Variants in SOX5 observed in about 807,000 individuals in gnomAD.
SOX5 encodes SRY-box transcription factor 5, also known as transcription factor SOX-5.
Under a neutral mutation model 92.0 loss-of-function variants are expected in SOX5, and 9 were observed. The observed-to-expected ratio is 0.10, with a 90% CI of 0.06 to 0.17. The LOEUF is 0.17. Among genes scored for constraint, SOX5 ranks in the 10% least tolerant of loss-of-function variants. The pLI is 1.00. For synonymous variants in SOX5, 344 were observed against 336.3 expected (o/e 1.02, Z -0.25); for missense variants, 642 against 944.5 (o/e 0.68, Z 4.20).
chr12:23,653,060 A>C (rs1313742065), intron 7 of SOX5, among the ~76,000 whole-genome samples: 2 of 151,694 alleles, frequency 1.3e-5, no homozygotes, highest in African/African-American at 2.4e-5. Context: ...GGATGGATGG[A>C]TGGATGGATG....
intron 3 of SOX5, among the ~76,000 whole-genome samples, chr12:23,766,589 T>G (rs2094734014): frequency 6.6e-6 from 1 of 152,170 alleles, no homozygotes; most frequent in South Asian, 2.1e-4. Context: ...ATATCCAAAA[T>G]TTTGAATTAA....
At chr12:24,383,964 T>C (rs1325586828) in intron 1 of SOX5, among the ~76,000 whole-genome samples, 1 of 152,194 alleles carries the variant, frequency 6.6e-6, no homozygotes, top group Non-Finnish European at 1.5e-5. Context: ...GCTGCTCTCA[T>C]GATAGTGAGT....
intron 4 of SOX5, among the ~76,000 whole-genome samples, chr12:23,985,277 C>A (rs866150966): frequency 6.9e-6 from 1 of 145,790 alleles, no homozygotes; most frequent in African/African-American, 2.5e-5. Context: ...CAGGGTCCCA[C>A]TCCATCACCC....
chr12:23,888,314 C>T lies in SOX5; in HGVS notation c.270+7479G>A, dbSNP rs188547668. On this transcript the variant is annotated intron_variant, in intron 2 of 14. Coordinates refer to ENST00000451604, the MANE Select transcript of SOX5 (RefSeq NM_006940.6). ...CCCCATTACCACGGCATTGGAAGCT[C>T]TTGCCTGTGCCCCTAACCCCTATCA... 3.4e-3 allele frequency among the ~76,000 whole-genome samples: 519 copies of T among 152,256 alleles called. 6 individuals are homozygous for T. The highest frequency in any genetic ancestry group is 0.012 in the African/African-American group (495 of 41,544).
At chr12:23,619,358 A>C (rs566598733) in intron 8 of SOX5, among the ~76,000 whole-genome samples, 63 of 152,270 alleles carry the variant, frequency 4.1e-4, no homozygotes, top group African/African-American at 1.4e-3. Flanking sequence ...GAACCTTCTC[A>C]ACAACCTTAG....
chr12:23,991,321 T>TAA (rs918055061), intron 4 of SOX5, among the ~76,000 whole-genome samples: 2 of 149,036 alleles, frequency 1.3e-5, no homozygotes, highest in African/African-American at 4.9e-5. Flanking sequence ...GTCTCTTTCT[T>TAA]AAAAAAAAAA....
intron 4 of SOX5, among the ~76,000 whole-genome samples, chr12:24,036,560 TG>T (rs576116377): frequency 1.6e-4 from 25 of 152,256 alleles, no homozygotes; most frequent in African/African-American, 5.3e-4. Context: ...TAATAAGCTG[TG>T]TACGAATTCA....
intron 3 of SOX5, among the ~76,000 whole-genome samples, chr12:23,799,088 G>C (rs1355985334): frequency 5.3e-5 from 8 of 151,814 alleles, no homozygotes; most frequent in Admixed American, 5.3e-4. Flanking sequence ...CTTTTTGGGG[G>C]TTCCACTCTC....
At chr12:23,939,293 G>C (rs1943178134) in intron 1 of SOX5, among the ~76,000 whole-genome samples, 2 of 150,936 alleles carry the variant, frequency 1.3e-5, no homozygotes. Context: ...TTTTCTTTCT[G>C]CTTTAACAGT....
In SOX5 at chr12:23,530,823, G is replaced by GCGCGCGCGCGCC. The variant is rs1203645772; in HGVS notation, c.*3395_*3396insGGCGCGCGCGCG. The GCGCGCGCGCGCC allele has an allele frequency of 2.2e-5, 3 of 139,254 alleles. No individual in the cohort carries two copies. Among genetic ancestry groups the GCGCGCGCGCGCC allele is most frequent in the African/African-American group, 8.0e-5 (3 of 37,338 alleles). 8.6% of individuals were successfully genotyped at this position (139,254 alleles called of 1,614,324 possible). On this transcript the variant is annotated 3_prime_UTR_variant, in exon 15 of 15. Transcript: ENST00000451604. ...AGTGTGTGTGTGTGTGTGTGTGCGCGCGCGCGCGCGCGCATGTGAGAGAGA... is the reference window on the plus strand; with the variant it reads ...AGTGTGTGTGTGTGTGTGTGTGCGCGCGCGCGCGCGCCCGCGCGCGCGCGCATGTGAGAGAGA...
intron 2 of SOX5, among the ~76,000 whole-genome samples, chr12:23,859,811 A>G (rs1016420069): frequency 2.0e-5 from 3 of 152,162 alleles, no homozygotes; most frequent in Non-Finnish European, 4.4e-5. Flanking sequence ...ACCGGCCGAC[A>G]CTTAGGGAAA....
chr12:24,260,320 C>T (rs1314635789), intron 3 of SOX5, among the ~76,000 whole-genome samples: 1 of 152,140 alleles, frequency 6.6e-6, no homozygotes, highest in Non-Finnish European at 1.5e-5. Flanking sequence ...TTTCCACTAC[C>T]TACAAAGGGA....
At chr12:23,806,774 A>G (rs576011543) in intron 3 of SOX5, among the ~76,000 whole-genome samples, 1 of 152,210 alleles carries the variant, frequency 6.6e-6, no homozygotes, top group Admixed American at 6.5e-5. Context: ...ACAAGGTACA[A>G]TGAAACATCT....
At chr12:23,639,004 T>C (rs17385466) in intron 8 of SOX5, among the ~76,000 whole-genome samples, 11,887 of 152,182 alleles carry the variant, frequency 0.078, 604 homozygotes, top group Non-Finnish European at 0.11. Context: ...ACAGGATTAT[T>C]TGAGGCTCTA....
intron 2 of SOX5, among the ~76,000 whole-genome samples, chr12:23,874,216 C>T (rs527990240): frequency 2.0e-5 from 3 of 152,088 alleles, no homozygotes; most frequent in Admixed American, 6.6e-5. Context: ...ATGGTATTTC[C>T]TCATCTAAAT....
intron 4 of SOX5, among the ~76,000 whole-genome samples, chr12:24,063,693 T>C (rs1247347462): frequency 1.3e-5 from 2 of 152,182 alleles, no homozygotes; most frequent in South Asian, 2.1e-4. Flanking sequence ...ATAATATACC[T>C]GTCACAGGTG....
At chr12:24,529,755 C>T (rs560925553) in intron 1 of SOX5, among the ~76,000 whole-genome samples, 19 of 152,282 alleles carry the variant, frequency 1.2e-4, no homozygotes, top group Non-Finnish European at 2.1e-4. Flanking sequence ...CGCGGTGGCT[C>T]ACGCCTGTAA....
intron 12 of SOX5, among the ~76,000 whole-genome samples, chr12:23,545,775 G>A (rs11046969): frequency 0.18 from 27,601 of 151,780 alleles, 2,999 homozygotes; most frequent in East Asian, 0.43. Flanking sequence ...AGTAACTCAC[G>A]CCTATAAAAC....
chr12:23,568,154 G>A (rs1390967864), intron 10 of SOX5, among the ~76,000 whole-genome samples: 2 of 152,160 alleles, frequency 1.3e-5, no homozygotes, highest in Admixed American at 6.5e-5. Context: ...TATAAGAGGA[G>A]AGAGATTTGA....
Sources: gnomAD v4.1 joint callset for allele counts (sites outside exome capture counted in the v4.1 genomes callset) on GRCh38, gnomAD v4.1.1 for gene constraint, MANE v1.5 for transcripts, NCBI Gene and HGNC (gene_info 2026-07-23, HGNC 2026-07-21) for gene names.